Variants in DGKI observed in about 807,000 individuals in gnomAD.
The protein encoded by DGKI is DAG kinase iota.
Under a neutral mutation model 147.5 loss-of-function variants are expected in DGKI, and 55 were observed. The observed-to-expected ratio is 0.37, with a 90% CI of 0.30 to 0.47. The LOEUF (loss-of-function observed/expected upper bound fraction) is 0.47, where lower values mean the gene tolerates loss of function less well. Among genes scored for constraint, DGKI ranks in the 20% least tolerant of loss-of-function variants. The pLI, the probability that DGKI is intolerant of heterozygous loss-of-function variation, is 1.00. For missense variants in DGKI, 1,007 were observed against 1,323.8 expected (o/e 0.76, Z 3.71); for synonymous variants, 469 against 477.1 (o/e 0.98, Z 0.22).
chr7:137,508,064 A>G (rs75685752), intron 21 of DGKI, among the ~76,000 whole-genome samples: 20,687 of 152,012 alleles, frequency 0.14, 3,183 homozygotes, highest in African/African-American at 0.37. Flanking sequence ...GGCTAAGACC[A>G]GAGGTTTGAT....
At chr7:137,660,385 C>T (rs984666079) in intron 3 of DGKI, among the ~76,000 whole-genome samples, 19 of 152,218 alleles carry the variant, frequency 1.2e-4, no homozygotes, top group Non-Finnish European at 1.3e-4. Context: ...GGCATGATCT[C>T]ACCAGCAGCC....
chr7:137,542,151 T>A (rs1027848450), intron 20 of DGKI, among the ~76,000 whole-genome samples: 6 of 152,192 alleles, frequency 3.9e-5, no homozygotes, highest in Non-Finnish European at 8.8e-5. Context: ...ACTGGAATGA[T>A]CATATATTGC....
intron 23 of DGKI, among the ~76,000 whole-genome samples, chr7:137,473,923 T>C (rs930837869): frequency 3.9e-5 from 6 of 152,248 alleles, no homozygotes; most frequent in Non-Finnish European, 8.8e-5. Context: ...TTGGATACTT[T>C]CCTGGTGACC....
intron 20 of DGKI, among the ~76,000 whole-genome samples, chr7:137,532,749 G>A (rs1351826786): frequency 6.6e-6 from 1 of 152,066 alleles, no homozygotes; most frequent in African/African-American, 2.4e-5. Flanking sequence ...TTAGCCAACT[G>A]GGAGGAAACC....
chr7:137,571,181 G>T lies in DGKI; in HGVS notation c.1941C>A (p.Ala647=). 6.2e-7 allele frequency: 1 copy of T among 1,604,340 alleles called. No homozygotes were observed. The highest frequency in any genetic ancestry group is 8.5e-7 in the Non-Finnish European group (1 of 1,176,318). The change falls in exon 19 of 33, where the codon GCC becomes GCA. Residue 647 remains alanine (A), a synonymous_variant. Coordinates refer to ENST00000614521, the MANE Select transcript of DGKI (RefSeq NM_001321708.2). Reference sequence around the variant, plus strand: ...AAACAGTTATATTGCTCACCAAAGAGGCCATGGTAAATCCAATGACTTCAA... The same window carrying T: ...AAACAGTTATATTGCTCACCAAAGATGCCATGGTAAATCCAATGACTTCAA... The part of the protein sequence containing the change: ...GYIEVIGFTM[A]SLAALQVGGH...
intron 1 of DGKI, among the ~76,000 whole-genome samples, chr7:137,740,729 G>A (rs776893800): frequency 1.3e-5 from 2 of 152,116 alleles, no homozygotes; most frequent in African/African-American, 2.4e-5. Context: ...TCTGGAAAAC[G>A]GCTATGATTT....
chr7:137,742,527 C>T (rs1470945519), intron 1 of DGKI, among the ~76,000 whole-genome samples: 1 of 152,106 alleles, frequency 6.6e-6, no homozygotes, highest in Admixed American at 6.6e-5. Context: ...CCCACTCACT[C>T]CCACAGCCAC....
At chr7:137,779,103 C>A (rs1004235017) in intron 1 of DGKI, among the ~76,000 whole-genome samples, 5 of 152,132 alleles carry the variant, frequency 3.3e-5, no homozygotes, top group African/African-American at 1.2e-4. Context: ...TTGAAATTTA[C>A]TTTAAACCTA....
intron 12 of DGKI, among the ~76,000 whole-genome samples, chr7:137,597,440 T>C (rs1819834497): frequency 6.6e-6 from 1 of 151,998 alleles, no homozygotes. Flanking sequence ...TTCTGAGTTT[T>C]ATTCCCACTA....
chr7:137,577,911 G>A (rs1295638375), intron 16 of DGKI, among the ~76,000 whole-genome samples: 4 of 152,148 alleles, frequency 2.6e-5, no homozygotes, highest in South Asian at 4.1e-4. Context: ...TGAAAACTAC[G>A]TTCTTACCTA....
chr7:137,841,323 G>A (rs1460219894), intron 1 of DGKI, among the ~76,000 whole-genome samples: 1 of 152,136 alleles, frequency 6.6e-6, no homozygotes, highest in Non-Finnish European at 1.5e-5. Flanking sequence ...CATTGTTTTT[G>A]TGCCTTGAAA....
At chr7:137,710,801 A>G (rs1478340210) in intron 1 of DGKI, among the ~76,000 whole-genome samples, 1 of 152,142 alleles carries the variant, frequency 6.6e-6, no homozygotes, top group Admixed American at 6.5e-5. Context: ...TGAATTAAAT[A>G]ATTCTGTTCA....
intron 19 of DGKI, among the ~76,000 whole-genome samples, chr7:137,555,204 G>A (rs1227335904): frequency 6.6e-6 from 1 of 151,234 alleles, no homozygotes; most frequent in Non-Finnish European, 1.5e-5. Context: ...GTGAGCCACT[G>A]TGCCTGGCCA....
chr7:137,672,425 A>G (rs773231095), intron 3 of DGKI, among the ~76,000 whole-genome samples: 1 of 152,210 alleles, frequency 6.6e-6, no homozygotes, highest in Non-Finnish European at 1.5e-5. Context: ...GAGTCCTAGG[A>G]AAACTGCAAA....
chr7:137,412,205 T>C lies in DGKI; in HGVS notation c.2764A>G (p.Ile922Val), dbSNP rs572281794. The change falls in exon 29 of 33, where the codon ATT becomes GTT. Residue 922 changes from isoleucine to valine, a missense_variant and splice_region_variant. This residue lies in a region of DGKI where 385 missense variants were observed against 445.2 expected (regional missense o/e 0.86). Transcript: ENST00000614521. ...QSPVSSEDHA[I>V]LQAVIAGDLM... ...TCACCAGCTATTACTGCCTGCAAAATTGCTGTGAAAGACAAAAGAGAGATG... is the reference window on the plus strand; with the variant it reads ...TCACCAGCTATTACTGCCTGCAAAACTGCTGTGAAAGACAAAAGAGAGATG... 28 of 1,613,818 alleles carry C rather than the reference T, an allele frequency of 1.7e-5. No individual in the cohort carries two copies. In the South Asian group the frequency reaches 2.2e-4, roughly 13 times the overall value.
chr7:137,676,998 T>A (rs928922463), intron 3 of DGKI, among the ~76,000 whole-genome samples: 3 of 152,318 alleles, frequency 2.0e-5, no homozygotes, highest in South Asian at 2.1e-4. Context: ...CTGGCTTTCA[T>A]TTTTTCCATT....
At chr7:137,674,726 C>T (rs1822969327) in intron 3 of DGKI, among the ~76,000 whole-genome samples, 1 of 152,218 alleles carries the variant, frequency 6.6e-6, no homozygotes. Context: ...TCATGTTCCT[C>T]TTCCCTGCCC....
chr7:137,800,407 A>G (rs13223620), intron 1 of DGKI, among the ~76,000 whole-genome samples: 6,342 of 152,030 alleles, frequency 0.042, 189 homozygotes, highest in Non-Finnish European at 0.066. Flanking sequence ...TGAGTTCTCA[A>G]GAGATCTGGT....
chr7:137,665,229 T>C (rs954731846), intron 3 of DGKI, among the ~76,000 whole-genome samples: 4 of 152,110 alleles, frequency 2.6e-5, no homozygotes, highest in Admixed American at 1.3e-4. Flanking sequence ...GATGGGGGCC[T>C]GAACTGGAGT....
Sources: gnomAD v4.1 joint callset for allele counts (sites outside exome capture counted in the v4.1 genomes callset) on GRCh38, gnomAD v4.1.1 for gene constraint, gnomAD v4.1.1 regional missense constraint, MANE v1.5 for transcripts, NCBI Gene and HGNC (gene_info 2026-07-23, HGNC 2026-07-21) for gene names.